The following RBFOX1 variants were observed in gnomAD, a reference collection of about 807,000 sequenced individuals.
The protein encoded by RBFOX1 is RNA binding fox-1 homolog 1, also known as RNA binding protein fox-1 homolog 1.
A neutral mutation model predicts 57.7 loss-of-function variants in RBFOX1; 8 were observed. That is an observed-to-expected ratio of 0.14 (90% CI 0.08 to 0.25). RBFOX1 has a LOEUF of 0.25. Ranked by LOEUF, RBFOX1 falls within the 10% of genes least tolerant of loss-of-function variation. The pLI is 1.00. For synonymous variants in RBFOX1, 326 were observed against 222.4 expected (o/e 1.47, Z -4.15); for missense variants, 611 against 548.5 (o/e 1.11, Z -1.14).
chr16:6,925,109 G>GTTTTTTTTTTTTTTTTTTTTTTTTTT lies in RBFOX1; in HGVS notation c.-15-126931_-15-126906dup, dbSNP rs57556084. 1.1e-4 allele frequency among the ~76,000 whole-genome samples: 5 copies of GTTTTTTTTTTTTTTTTTTTTTTTTTT among 45,250 alleles called. 1 individual carries two copies. The highest frequency in any genetic ancestry group is 4.4e-4 in the African/African-American group (5 of 11,332). 29.7% of individuals were successfully genotyped at this position (45,250 alleles called of 152,430 possible). On this transcript the variant is annotated intron_variant, in intron 3 of 15. Coordinates refer to ENST00000550418, the MANE Select transcript of RBFOX1 (RefSeq NM_018723.4). The stretch of plus-strand genomic sequence containing the variant: ...TCGTTGTTGGACATCTAGGTTGTTG[G>GTTTTTTTTTTTTTTTTTTTTTTTTTT]TTTTTTTTTTTTTTTTTTTTTTTTT...
chr16:5,794,612 G>C (rs1236626286), intron 3 of RBFOX1, among the ~76,000 whole-genome samples: 1 of 152,158 alleles, frequency 6.6e-6, no homozygotes, highest in Non-Finnish European at 1.5e-5. Context: ...GGCATGTGGT[G>C]AGCAAAATGA....
chr16:5,629,309 G>A (rs538912703), intron 3 of RBFOX1, among the ~76,000 whole-genome samples: 2 of 152,274 alleles, frequency 1.3e-5, no homozygotes, highest in East Asian at 3.9e-4. Context: ...TAGGGCTCAG[G>A]TGCTAGTCGC....
At chr16:6,207,057 G>A (rs1308100356) in intron 1 of RBFOX1, among the ~76,000 whole-genome samples, 1 of 151,018 alleles carries the variant, frequency 6.6e-6, no homozygotes, top group East Asian at 1.9e-4. Flanking sequence ...TTTATTTGGA[G>A]TTGCTGAGAA....
intron 4 of RBFOX1, among the ~76,000 whole-genome samples, chr16:5,914,098 A>T (rs908954094): frequency 6.6e-6 from 1 of 152,174 alleles, no homozygotes; most frequent in Non-Finnish European, 1.5e-5. Flanking sequence ...GGGGACTTTC[A>T]AGCTGTGTTG....
chr16:5,948,090 G>T (rs1416129974), intron 4 of RBFOX1, among the ~76,000 whole-genome samples: 2 of 152,152 alleles, frequency 1.3e-5, no homozygotes, highest in Non-Finnish European at 2.9e-5. Flanking sequence ...TGGGCATGGT[G>T]AGTCTATGTT....
At chr16:6,292,202 G>A (rs546890329) in intron 1 of RBFOX1, among the ~76,000 whole-genome samples, 4 of 152,230 alleles carry the variant, frequency 2.6e-5, no homozygotes, top group African/African-American at 9.6e-5. Flanking sequence ...CAAGGCTGCA[G>A]TAAGCCATGA....
rs767475608 is a variant in RBFOX1, at chr16:5,403,362, A to C, written c.220-63854A>C. Among the ~76,000 whole-genome samples the C allele has an allele frequency of 5.6e-3, 664 of 118,766 alleles. 8 individuals are homozygous for C. Among genetic ancestry groups the C allele is most frequent in the Non-Finnish European group, 6.1e-3 (370 of 61,018 alleles). The allele number at this position is 118,766 out of a possible 152,430, so 77.9% of individuals were successfully genotyped here. On this transcript the variant is annotated intron_variant, in intron 1 of 2. Transcript: ENST00000585867. Reference sequence around the variant, plus strand: ...GAAACGCTGTCTCAAAAAAAAAAAAAAAAAACAAAAAACAAACAAACAAAA... The same window carrying C: ...GAAACGCTGTCTCAAAAAAAAAAAACAAAAACAAAAAACAAACAAACAAAA...
At chr16:5,445,258 C>G (rs544052143) in intron 1 of RBFOX1, among the ~76,000 whole-genome samples, 2 of 152,292 alleles carry the variant, frequency 1.3e-5, no homozygotes, top group East Asian at 3.9e-4. Flanking sequence ...TGAAAATCAA[C>G]AGGACATGGT....
intron 1 of RBFOX1, among the ~76,000 whole-genome samples, chr16:5,389,942 C>A (rs1361357768): frequency 6.6e-6 from 1 of 151,996 alleles, no homozygotes; most frequent in African/African-American, 2.4e-5. Context: ...CAGGTGATCC[C>A]CCTTCCTCCG....
At chr16:6,716,986 T>G (rs541046420) in intron 3 of RBFOX1, among the ~76,000 whole-genome samples, 3 of 152,196 alleles carry the variant, frequency 2.0e-5, no homozygotes, top group Non-Finnish European at 4.4e-5. Flanking sequence ...AGTGCCCTTA[T>G]AAGAAGAGAC....
At chr16:7,555,755 C>G (rs894457877) in intron 5 of RBFOX1, among the ~76,000 whole-genome samples, 1 of 152,170 alleles carries the variant, frequency 6.6e-6, no homozygotes, top group East Asian at 1.9e-4. Flanking sequence ...GCCCACTCTT[C>G]TTTGTCAAAT....
At chr16:7,274,430 C>G (rs1343105925) in intron 4 of RBFOX1, among the ~76,000 whole-genome samples, 3 of 152,180 alleles carry the variant, frequency 2.0e-5, no homozygotes, top group Non-Finnish European at 4.4e-5. Flanking sequence ...ACACACCACA[C>G]ACACATACAC....
intron 3 of RBFOX1, among the ~76,000 whole-genome samples, chr16:5,819,451 C>G (rs2055766145): frequency 6.6e-6 from 1 of 152,220 alleles, no homozygotes; most frequent in Admixed American, 6.5e-5. Context: ...TGCTTCTGCT[C>G]TAGAGTGGTC....
chr16:5,997,451 T>C (rs2060510743), intron 4 of RBFOX1, among the ~76,000 whole-genome samples: 1 of 152,208 alleles, frequency 6.6e-6, no homozygotes, highest in Admixed American at 6.5e-5. Flanking sequence ...CTTAACCACA[T>C]GCTAGCTCTG....
intron 4 of RBFOX1, among the ~76,000 whole-genome samples, chr16:7,307,402 G>T (rs1018483435): frequency 3.9e-5 from 6 of 152,120 alleles, no homozygotes; most frequent in African/African-American, 1.2e-4. Flanking sequence ...CCTCAGCATC[G>T]GAGTCTACTC....
At position 6,410,541 on chromosome 16, in the gene RBFOX1, G is replaced by T. The variant is rs74528629; in HGVS notation, c.-64+93484G>T. On this transcript the variant is annotated intron_variant, in intron 2 of 15. Coordinates refer to ENST00000550418, the MANE Select transcript of RBFOX1 (RefSeq NM_018723.4). Reference sequence around the variant, plus strand: ...TTAGCCAGGATGGTCTGGATCTCCTGACCTCATGATCCACCCGCCTCTGCC... The same window carrying T: ...TTAGCCAGGATGGTCTGGATCTCCTTACCTCATGATCCACCCGCCTCTGCC... 0.017 allele frequency among the ~76,000 whole-genome samples: 2,649 copies of T among 151,954 alleles called. 167 individuals carry two copies. In the East Asian group the frequency reaches 0.22, roughly 13 times the overall value.
intron 1 of RBFOX1, among the ~76,000 whole-genome samples, chr16:6,045,770 A>G (rs778092800): frequency 2.0e-5 from 3 of 152,212 alleles, no homozygotes; most frequent in Non-Finnish European, 2.9e-5. Flanking sequence ...AGGTGTGGCT[A>G]CAGAGTTTAA....
At chr16:5,294,654 A>G (rs1881334) in intron 1 of RBFOX1, among the ~76,000 whole-genome samples, 109,301 of 151,918 alleles carry the variant, frequency 0.72, 44,098 homozygotes, top group Non-Finnish European at 0.89. Context: ...GAACACCCCT[A>G]TGTTTCCCCT....
chr16:5,686,400 A>G (rs2151447809), intron 3 of RBFOX1, among the ~76,000 whole-genome samples: 1 of 152,184 alleles, frequency 6.6e-6, no homozygotes, highest in East Asian at 1.9e-4. Flanking sequence ...TTTTTTGAGA[A>G]TAGAAGAAAG....
Sources: gnomAD v4.1 joint callset for allele counts (sites outside exome capture counted in the v4.1 genomes callset) on GRCh38, gnomAD v4.1.1 for gene constraint, MANE v1.5 for transcripts, NCBI Gene and HGNC (gene_info 2026-07-23, HGNC 2026-07-21) for gene names.